CADM2: variants seen among roughly 807,000 people sequenced by gnomAD.
CADM2 encodes the protein cell adhesion molecule 2.
Under a neutral mutation model 49.8 loss-of-function variants are expected in CADM2, and 12 were observed. The observed-to-expected ratio is 0.24, with a 90% confidence interval of 0.15 to 0.39. CADM2 has a LOEUF of 0.39. Among genes scored for constraint, CADM2 ranks in the 10% least tolerant of loss-of-function variants. CADM2 has a pLI of 1.00. For synonymous variants in CADM2, 214 were observed against 175.4 expected (o/e 1.22, Z -1.74); for missense variants, 378 against 492.3 (o/e 0.77, Z 2.20).
chr3:85,103,717 A>G (rs951195341), intron 1 of CADM2, among the ~76,000 whole-genome samples: 7 of 152,062 alleles, frequency 4.6e-5, no homozygotes, highest in Non-Finnish European at 8.8e-5. Context: ...GCAAGGGGGG[A>G]GGCATCCCAT....
chr3:85,507,291 G>A (rs777700792), intron 1 of CADM2, among the ~76,000 whole-genome samples: 1 of 149,622 alleles, frequency 6.7e-6, no homozygotes, highest in Non-Finnish European at 1.5e-5. Context: ...ATGTTCAAAC[G>A]ATTCTCCTGT....
intron 1 of CADM2, among the ~76,000 whole-genome samples, chr3:85,063,508 A>G (rs1207280383): frequency 6.6e-6 from 1 of 152,102 alleles, no homozygotes; most frequent in Non-Finnish European, 1.5e-5. Context: ...TCAAACTTGT[A>G]TATTTTGAAA....
chr3:85,340,636 G>A (rs2045214856), intron 1 of CADM2, among the ~76,000 whole-genome samples: 1 of 151,486 alleles, frequency 6.6e-6, no homozygotes, highest in East Asian at 1.9e-4. Context: ...GTATTGAAAA[G>A]AGAATTAGAA....
intron 1 of CADM2, among the ~76,000 whole-genome samples, chr3:85,645,910 T>C (rs2064868916): frequency 1.3e-5 from 2 of 152,072 alleles, no homozygotes; most frequent in African/African-American, 4.8e-5. Flanking sequence ...AACAGCATTC[T>C]TGACCCTAGA....
intron 3 of CADM2, among the ~76,000 whole-genome samples, chr3:85,813,568 T>G (rs1013498184): frequency 6.6e-6 from 1 of 152,234 alleles, no homozygotes; most frequent in African/African-American, 2.4e-5. Context: ...CAATTTTGGC[T>G]TTTGTTGCCA....
chr3:86,042,127 G>A (rs138426852), intron 8 of CADM2, among the ~76,000 whole-genome samples: 2,274 of 152,086 alleles, frequency 0.015, 27 homozygotes, highest in Non-Finnish European at 0.023. Flanking sequence ...GAGAAAGCAG[G>A]AAAGATCTAA....
intron 1 of CADM2, among the ~76,000 whole-genome samples, chr3:85,114,902 A>G (rs370895845): frequency 7.9e-5 from 12 of 152,268 alleles, no homozygotes; most frequent in African/African-American, 2.9e-4. Context: ...TCTAGATCTT[A>G]GTTCATATAT....
chr3:85,383,877 CTATT>C (rs1402282810), intron 1 of CADM2, among the ~76,000 whole-genome samples: 1 of 152,018 alleles, frequency 6.6e-6, no homozygotes, highest in African/African-American at 2.4e-5. Context: ...TAACTTACCA[CTATT>C]TATCATTTCT....
intron 1 of CADM2, among the ~76,000 whole-genome samples, chr3:85,400,558 G>A (rs890945346): frequency 1.3e-5 from 2 of 152,046 alleles, no homozygotes; most frequent in East Asian, 1.9e-4. Context: ...GGTAGAATTC[G>A]GCTGTGAATC....
At chr3:85,873,045 A>C (rs1406887183) in intron 3 of CADM2, among the ~76,000 whole-genome samples, 1 of 152,140 alleles carries the variant, frequency 6.6e-6, no homozygotes, top group Non-Finnish European at 1.5e-5. Context: ...GCATCTGGCA[A>C]GGGTCTTTGT....
rs1028642224 is a variant in CADM2 at position 85,480,963 on chromosome 3, C to A, written c.62-245559C>A. On this transcript the variant is annotated intron_variant, in intron 1 of 9. Coordinates refer to ENST00000383699, the MANE Select transcript of CADM2 (RefSeq NM_001167675.2). The stretch of plus-strand genomic sequence containing the variant: ...CTTTTCTTTATTTTTGATAAGAATA[C>A]ATTTTTCTCAGAAAGCATAAGCATT... Among the ~76,000 whole-genome samples the A allele has an allele frequency of 2.0e-5, 3 of 151,642 alleles. 1 individual carries two copies. The highest frequency in any genetic ancestry group is 2.0e-4 in the Admixed American group (3 of 15,188).
chr3:85,838,004 T>A (rs2074479159), intron 3 of CADM2, among the ~76,000 whole-genome samples: 1 of 151,832 alleles, frequency 6.6e-6, no homozygotes, highest in Admixed American at 6.6e-5. Context: ...CTACCATACA[T>A]AAATCAGACG....
intron 1 of CADM2, among the ~76,000 whole-genome samples, chr3:84,980,516 C>T (rs2107133178): frequency 6.6e-6 from 1 of 152,260 alleles, no homozygotes; most frequent in South Asian, 2.1e-4. Flanking sequence ...CTTCCAGTTT[C>T]AAATTCTATC....
At chr3:85,778,583 C>T (rs1339173472) in intron 2 of CADM2, among the ~76,000 whole-genome samples, 1 of 152,132 alleles carries the variant, frequency 6.6e-6, no homozygotes, top group Non-Finnish European at 1.5e-5. Flanking sequence ...CCTTTGCCTT[C>T]CACCATGATT....
Position 85,343,602 on chromosome 3 carries a change from C to G in CADM2, c.62-382920C>G, listed in dbSNP as rs1222252347. 2.6e-5 allele frequency among the ~76,000 whole-genome samples: 4 copies of G among 152,200 alleles called. No homozygotes were observed. In the East Asian group the frequency reaches 5.8e-4, roughly 22 times the overall value. Reference sequence around the variant, plus strand: ...CCAAACAGCATTCTCTGTTTCTATTCTGCTTCAGGTTCATGCTAGGAATTG... The same window carrying G: ...CCAAACAGCATTCTCTGTTTCTATTGTGCTTCAGGTTCATGCTAGGAATTG... On this transcript the variant is annotated intron_variant, in intron 1 of 9. Coordinates refer to ENST00000383699, the MANE Select transcript of CADM2 (RefSeq NM_001167675.2).
intron 1 of CADM2, among the ~76,000 whole-genome samples, chr3:85,692,934 A>C (rs1377077741): frequency 6.6e-6 from 1 of 152,156 alleles, no homozygotes; most frequent in Non-Finnish European, 1.5e-5. Context: ...CCAAAGAAAG[A>C]AAAATCAGAA....
intron 1 of CADM2, among the ~76,000 whole-genome samples, chr3:85,258,952 C>T (rs1234077504): frequency 6.6e-6 from 1 of 152,008 alleles, no homozygotes; most frequent in Non-Finnish European, 1.5e-5. Flanking sequence ...ACTGCCTGCC[C>T]CTGTCAAATT....
At chr3:85,096,503 T>A (rs181583781) in intron 1 of CADM2, among the ~76,000 whole-genome samples, 1 of 152,150 alleles carries the variant, frequency 6.6e-6, no homozygotes, top group East Asian at 1.9e-4. Flanking sequence ...TTCTAGAATA[T>A]CAGGTAAATA....
intron 1 of CADM2, among the ~76,000 whole-genome samples, chr3:85,180,541 A>G (rs1195973687): frequency 6.7e-6 from 1 of 149,450 alleles, no homozygotes; most frequent in Non-Finnish European, 1.5e-5. Context: ...AAAAAAAGAG[A>G]AGGAGAAAAA....
Sources: allele counts gnomAD v4.1 joint callset (sites outside exome capture counted in the v4.1 genomes callset), GRCh38; gene constraint gnomAD v4.1.1; transcripts MANE v1.5; gene names NCBI Gene and HGNC (gene_info 2026-07-23, HGNC 2026-07-21).